MBOAT1: variants seen among roughly 807,000 people sequenced by gnomAD.
MBOAT1 encodes the protein membrane-bound glycerophospholipid O-acyltransferase 1.
A neutral mutation model predicts 64.4 loss-of-function variants in MBOAT1; 67 were observed. That is an observed-to-expected ratio of 1.04 (90% CI 0.85 to 1.27). The LOEUF (loss-of-function observed/expected upper bound fraction) is 1.27, where lower values mean the gene tolerates loss of function less well. Among genes scored for constraint, MBOAT1 ranks in the 50% most tolerant of loss-of-function variants. The pLI is 0.00. For synonymous variants in MBOAT1, 229 were observed against 218.9 expected (o/e 1.05, Z -0.41); for missense variants, 563 against 604.6 (o/e 0.93, Z 0.72).
chr6:20,123,795 A>T (rs542163517), intron 8 of MBOAT1, among the ~76,000 whole-genome samples: 1 of 152,108 alleles, frequency 6.6e-6, no homozygotes, highest in Non-Finnish European at 1.5e-5. Context: ...GGTGGCTCAC[A>T]CCTGTAATCC....
intron 12 of MBOAT1, among the ~76,000 whole-genome samples, chr6:20,107,885 C>G (rs1039786759): frequency 2.0e-5 from 3 of 151,986 alleles, no homozygotes; most frequent in African/African-American, 7.3e-5. Flanking sequence ...ATTTGGACAG[C>G]CCCTGCAGAC....
intron 10 of MBOAT1, 102 bp from the exon 11 acceptor site, chr6:20,113,110 T>C: frequency 2.1e-6 from 3 of 1,403,660 alleles, no homozygotes; most frequent in Non-Finnish European, 2.9e-6. Flanking sequence ...CATTTGGTTG[T>C]TACTGATGAG....
intron 1 of MBOAT1, among the ~76,000 whole-genome samples, chr6:20,209,142 T>C (rs917986646): frequency 2.6e-5 from 4 of 152,182 alleles, no homozygotes; most frequent in African/African-American, 7.2e-5. Context: ...AACTCCATAT[T>C]TGCTCACTGG....
intron 1 of MBOAT1, among the ~76,000 whole-genome samples, chr6:20,191,607 C>A (rs865226): frequency 0.51 from 76,773 of 152,004 alleles, 20,198 homozygotes; most frequent in Admixed American, 0.57. Context: ...ACCACTATGG[C>A]CACCTGCCTG....
At chr6:20,144,426 C>G in intron 3 of MBOAT1, 111 bp from the exon 4 acceptor site, 2 of 732,184 alleles carry the variant, frequency 2.7e-6, no homozygotes, top group Non-Finnish European at 4.7e-6. Flanking sequence ...TCACAATGTC[C>G]TATCTGGTCT....
chr6:20,120,002 T>TGCGC (rs1188431499), intron 8 of MBOAT1, among the ~76,000 whole-genome samples: 1 of 73,926 alleles, frequency 1.4e-5, no homozygotes, highest in African/African-American at 5.2e-5. Flanking sequence ...TGTGTGTGTG[T>TGCGC]GTGCGTGTGT....
intron 1 of MBOAT1, among the ~76,000 whole-genome samples, chr6:20,155,881 T>C (rs888768909): frequency 4.6e-5 from 7 of 152,208 alleles, no homozygotes; most frequent in Admixed American, 4.6e-4. Flanking sequence ...GAACACCTTA[T>C]AAAAGTTTTC....
intron 1 of MBOAT1, among the ~76,000 whole-genome samples, chr6:20,177,356 T>A (rs1017078097): frequency 6.6e-6 from 1 of 152,222 alleles, no homozygotes; most frequent in Non-Finnish European, 1.5e-5. Context: ...GCTTTTTGTT[T>A]GTTTTATTTT....
Position 20,144,630 on chromosome 6 carries a change from G to A in MBOAT1, c.324-315C>T, listed in dbSNP as rs111469140. Among the ~76,000 whole-genome samples, 37 of 152,300 alleles carry A rather than the reference G, an allele frequency of 2.4e-4. 1 individual carries two copies. The highest frequency in any genetic ancestry group is 1.7e-3 in the South Asian group (8 of 4,830). On this transcript the variant is annotated intron_variant, in intron 3 of 12. Coordinates refer to ENST00000324607, the MANE Select transcript of MBOAT1 (RefSeq NM_001080480.3). Reference sequence around the variant, plus strand: ...CACCTGGTAGGTGTAATGGCAGTGCGCAGCCAGGGCTGGGAATCACTACCT... The same window carrying A: ...CACCTGGTAGGTGTAATGGCAGTGCACAGCCAGGGCTGGGAATCACTACCT...
intron 1 of MBOAT1, among the ~76,000 whole-genome samples, chr6:20,195,448 A>G (rs137928416): frequency 1.3e-5 from 2 of 152,272 alleles, no homozygotes; most frequent in Non-Finnish European, 2.9e-5. Context: ...TTCACCTTGT[A>G]TATATTCTGG....
chr6:20,150,519 A>T (rs57971832), intron 3 of MBOAT1, among the ~76,000 whole-genome samples: 12,516 of 150,338 alleles, frequency 0.083, 1,677 homozygotes, highest in African/African-American at 0.28. Context: ...TTTATCCACG[A>T]CATTGAGTAT....
chr6:20,175,219 AC>A (rs1762305999), intron 1 of MBOAT1, among the ~76,000 whole-genome samples: 1 of 152,176 alleles, frequency 6.6e-6, no homozygotes, highest in South Asian at 2.1e-4. Flanking sequence ...TAGCATAGAC[AC>A]TGCTTCTTTT....
intron 10 of MBOAT1, among the ~76,000 whole-genome samples, chr6:20,114,023 T>C (rs1760250415): frequency 6.6e-6 from 1 of 152,090 alleles, no homozygotes; most frequent in Non-Finnish European, 1.5e-5. Context: ...ACAGGATGAC[T>C]CAGCACACTG....
intron 7 of MBOAT1, 61 bp downstream of exon 7, chr6:20,126,456 C>T (rs1485911839): frequency 7.2e-7 from 1 of 1,386,760 alleles, no homozygotes; most frequent in African/African-American, 1.5e-5. Flanking sequence ...TAATTAGAAC[C>T]ATTATTAGAG....
At chr6:20,179,526 A>G (rs1262693591) in intron 1 of MBOAT1, among the ~76,000 whole-genome samples, 3 of 152,216 alleles carry the variant, frequency 2.0e-5, no homozygotes, top group Non-Finnish European at 2.9e-5. Context: ...CATGGTGTAT[A>G]TGTACCACAT....
At chr6:20,122,694 G>C (rs561731499) in intron 8 of MBOAT1, among the ~76,000 whole-genome samples, 2 of 152,222 alleles carry the variant, frequency 1.3e-5, no homozygotes, top group East Asian at 3.9e-4. Flanking sequence ...CAGAGTTTCT[G>C]TTTGGGTGAT....
intron 1 of MBOAT1, among the ~76,000 whole-genome samples, chr6:20,195,021 G>A (rs1762914925): frequency 6.6e-6 from 1 of 151,588 alleles, no homozygotes. Context: ...GCTCAATCAT[G>A]GCTTCACTGG....
chr6:20,101,831 C>T lies in MBOAT1; in HGVS notation c.*455G>A, dbSNP rs1759795710. Among the ~76,000 whole-genome samples, 1 of 152,128 alleles carries T rather than the reference C, an allele frequency of 6.6e-6. No homozygotes were observed. The highest frequency in any genetic ancestry group is 1.9e-4 in the East Asian group (1 of 5,180). On this transcript the variant is annotated 3_prime_UTR_variant, in exon 13 of 13. Transcript: ENST00000324607. ...TACAAAAAGGCTTTATAAAAATACT[C>T]CCGGCCGGGCGCGGTGGCTCACGCC...
intron 4 of MBOAT1, among the ~76,000 whole-genome samples, chr6:20,135,606 A>C (rs1027334907): frequency 2.6e-5 from 4 of 152,224 alleles, no homozygotes; most frequent in Admixed American, 6.5e-5. Context: ...TGGGACAATG[A>C]GATAACCCAG....
Sources: allele counts gnomAD v4.1 joint callset (sites outside exome capture counted in the v4.1 genomes callset), GRCh38; gene constraint gnomAD v4.1.1; transcripts MANE v1.5; gene names NCBI Gene and HGNC (gene_info 2026-07-23, HGNC 2026-07-21).